Variants in PPP4R4 observed in about 807,000 individuals in gnomAD.
PPP4R4 encodes serine/threonine-protein phosphatase 4 regulatory subunit 4.
PPP4R4 carries 70 observed loss-of-function variants against 121.8 expected under a neutral mutation model. The observed-to-expected ratio is 0.57, with a 90% confidence interval of 0.47 to 0.70. The LOEUF is 0.70. Ranked by LOEUF, PPP4R4 falls within the 30% of genes least tolerant of loss-of-function variation. The pLI is 0.00. For synonymous variants in PPP4R4, 348 were observed against 355.7 expected, an observed-to-expected ratio of 0.98 and a Z score of 0.24; for missense variants, 875 against 1,033.6, an observed-to-expected ratio of 0.85 and a Z score of 2.10.
At chr14:94,268,633 C>T (rs948696732) in intron 23 of PPP4R4, among the ~76,000 whole-genome samples, 2 of 152,168 alleles carry the variant, frequency 1.3e-5, no homozygotes, top group African/African-American at 4.8e-5. Flanking sequence ...AATTGACTCA[C>T]AGTTCCACAC....
At chr14:94,192,956 C>T (rs1889680260) in intron 2 of PPP4R4, among the ~76,000 whole-genome samples, 1 of 152,150 alleles carries the variant, frequency 6.6e-6, no homozygotes, top group African/African-American at 2.4e-5. Flanking sequence ...TGGATTTATT[C>T]TAACATGTGG....
intron 5 of PPP4R4, among the ~76,000 whole-genome samples, chr14:94,232,456 A>C (rs1892088882): frequency 6.6e-6 from 1 of 152,214 alleles, no homozygotes; most frequent in African/African-American, 2.4e-5. Flanking sequence ...ATGATTATGC[A>C]TATTTAAGTG....
At chr14:94,275,658 T>G in intron 24 of PPP4R4, 137 bp downstream of exon 24, 1 of 967,254 alleles carries the variant, frequency 1.0e-6, no homozygotes, top group Admixed American at 2.6e-5. Flanking sequence ...AGGGTATTAT[T>G]GTCACATGTG....
chr14:94,266,635 G>A (rs930131767), intron 22 of PPP4R4, among the ~76,000 whole-genome samples: 1 of 152,088 alleles, frequency 6.6e-6, no homozygotes, highest in African/African-American at 2.4e-5. Flanking sequence ...GGCCAGTAGA[G>A]TGATCTCAAG....
chr14:94,221,276 C>T (rs562739912), intron 3 of PPP4R4, among the ~76,000 whole-genome samples: 2 of 152,112 alleles, frequency 1.3e-5, no homozygotes, highest in East Asian at 3.9e-4. Context: ...CTAGAGGAAA[C>T]CATAAGAGAA....
intron 6 of PPP4R4, 111 bp downstream of exon 6, chr14:94,233,870 T>A: frequency 1.4e-6 from 1 of 726,580 alleles, no homozygotes; most frequent in Non-Finnish European, 2.3e-6. Context: ...AATTTAGTTA[T>A]CTTAACTATT....
At chr14:94,251,110 T>C (rs2139598711) in intron 15 of PPP4R4, among the ~76,000 whole-genome samples, 1 of 152,158 alleles carries the variant, frequency 6.6e-6, no homozygotes, top group East Asian at 1.9e-4. Context: ...GTTTAGAATG[T>C]TTTATTTTGA....
intron 2 of PPP4R4, among the ~76,000 whole-genome samples, chr14:94,196,823 T>G (rs1309098294): frequency 6.6e-6 from 1 of 152,142 alleles, no homozygotes; most frequent in East Asian, 1.9e-4. Flanking sequence ...AAAAATTTCT[T>G]TGCTTGTGGA....
chr14:94,259,176 A>T (rs994322365), intron 18 of PPP4R4, 119 bp from the exon 19 acceptor site: 1 of 1,466,574 alleles, frequency 6.8e-7, no homozygotes, highest in Non-Finnish European at 9.1e-7. Flanking sequence ...GGGAGCTACA[A>T]GATGAAATTT....
At chr14:94,269,640 G>A (rs1894220266) in intron 23 of PPP4R4, among the ~76,000 whole-genome samples, 1 of 151,198 alleles carries the variant, frequency 6.6e-6, no homozygotes, top group Non-Finnish European at 1.5e-5. Flanking sequence ...GGGAGAGAGA[G>A]CGAGACTCCA....
chr14:94,234,041 C>T (rs1892196998), intron 6 of PPP4R4, among the ~76,000 whole-genome samples: 1 of 152,106 alleles, frequency 6.6e-6, no homozygotes. Flanking sequence ...ATAGCGTTAT[C>T]TTATTGACTT....
intron 23 of PPP4R4, among the ~76,000 whole-genome samples, chr14:94,273,603 C>T (rs1310101668): frequency 6.6e-6 from 1 of 152,066 alleles, no homozygotes; most frequent in Non-Finnish European, 1.5e-5. Flanking sequence ...CTAATGTGAA[C>T]TGTGGACTTT....
intron 2 of PPP4R4, among the ~76,000 whole-genome samples, chr14:94,202,079 C>T (rs1890220718): frequency 6.6e-6 from 1 of 152,018 alleles, no homozygotes; most frequent in Admixed American, 6.6e-5. Context: ...CGTATGTTCT[C>T]ACTTATAAGC....
At chr14:94,204,348 C>T (rs1348148270) in intron 2 of PPP4R4, among the ~76,000 whole-genome samples, 1 of 151,824 alleles carries the variant, frequency 6.6e-6, no homozygotes, top group Non-Finnish European at 1.5e-5. Flanking sequence ...TGTCTTTTGT[C>T]TACTGGATTG....
rs367615648 is a variant in PPP4R4, at chr14:94,240,766, A to G, written c.947A>G (p.His316Arg). Residue 316 changes from histidine (H) to arginine (R), a missense_variant, in exon 9 of 25, where the codon CAT becomes CGT. By Grantham distance (29) the His-to-Arg change is conservative. Coordinates refer to ENST00000304338, the MANE Select transcript of PPP4R4 (RefSeq NM_058237.2). ...DESILISLSFHLGKLCHGLYG... is the reference protein window; with the variant it reads ...DESILISLSFRLGKLCHGLYG... ...TCAATTCTTATTTCTTTATCTTTCC[A>G]TTTAGGAAAACTATGTCATGGACTA... is the stretch of plus-strand genomic sequence containing the variant. The G allele has an allele frequency of 6.7e-5, 108 of 1,604,604 alleles. No homozygotes were observed. Among genetic ancestry groups the G allele is most frequent in the Non-Finnish European group, 8.5e-6 (10 of 1,176,948 alleles).
intron 2 of PPP4R4, 112 bp from the exon 3 acceptor site, chr14:94,208,352 G>C: frequency 1.6e-6 from 1 of 644,868 alleles, no homozygotes; most frequent in Non-Finnish European, 2.4e-6. Context: ...TTAGAAGTCT[G>C]AGTGCTTAAC....
intron 2 of PPP4R4, among the ~76,000 whole-genome samples, chr14:94,177,164 T>G (rs1383916866): frequency 1.3e-5 from 2 of 152,246 alleles, no homozygotes; most frequent in African/African-American, 2.4e-5. Context: ...GTTGTAACTT[T>G]AGTCAGAATA....
intron 2 of PPP4R4, among the ~76,000 whole-genome samples, chr14:94,207,154 G>T (rs746144710): frequency 1.1e-4 from 17 of 151,994 alleles, no homozygotes; most frequent in Non-Finnish European, 2.4e-4. Flanking sequence ...ATAATCGCAG[G>T]TTCTAGGATT....
intron 4 of PPP4R4, among the ~76,000 whole-genome samples, 186 bp from the exon 5 acceptor site, chr14:94,231,056 T>C (rs980598010): frequency 1.8e-4 from 27 of 152,204 alleles, no homozygotes; most frequent in Non-Finnish European, 2.8e-4. Context: ...ACCAATACTA[T>C]TTTTAAAAAT....
Sources: allele counts gnomAD v4.1 joint callset (sites outside exome capture counted in the v4.1 genomes callset), GRCh38; gene constraint gnomAD v4.1.1; transcripts MANE v1.5; gene names NCBI Gene and HGNC (gene_info 2026-07-23, HGNC 2026-07-21).